Variants in TTC17 observed in about 807,000 individuals in gnomAD.
The protein encoded by TTC17 is tetratricopeptide repeat protein 17.
Under a neutral mutation model 143.8 loss-of-function variants are expected in TTC17, and 58 were observed. The observed-to-expected ratio is 0.40, with a 90% CI of 0.33 to 0.50. The LOEUF (loss-of-function observed/expected upper bound fraction) is 0.50, where lower values mean the gene tolerates loss of function less well. TTC17 is among the 20% of genes least tolerant of loss of function. The pLI is 0.49. For missense variants in TTC17, 1,273 were observed against 1,392.5 expected (o/e 0.91, Z 1.37); for synonymous variants, 501 against 497.8 (o/e 1.01, Z -0.09).
At chr11:43,438,482 A>G (rs1465045533) in intron 16 of TTC17, among the ~76,000 whole-genome samples, 3 of 152,126 alleles carry the variant, frequency 2.0e-5, no homozygotes, top group Non-Finnish European at 1.5e-5. Context: ...AAGTTTGTCT[A>G]ATTCCTTAGA....
intron 3 of TTC17, among the ~76,000 whole-genome samples, chr11:43,390,731 A>G (rs1000404033): frequency 5.3e-5 from 8 of 152,014 alleles, no homozygotes; most frequent in African/African-American, 9.6e-5. Context: ...AAAACTACCT[A>G]TGGCCAATAA....
intron 1 of TTC17, among the ~76,000 whole-genome samples, chr11:43,373,997 C>A (rs1335752717): frequency 6.6e-6 from 1 of 152,102 alleles, no homozygotes; most frequent in Non-Finnish European, 1.5e-5. Context: ...TCCAAATAGT[C>A]ATCAGTGAAT....
Position 43,401,405 on chromosome 11 carries a change from G to C in TTC17, c.1220-41G>C, listed in dbSNP as rs771985895. 3.6e-6 allele frequency: 5 copies of C among 1,392,674 alleles called. No individual in the cohort carries two copies. The South Asian group carries it at 3.7e-5, about 10-fold the overall frequency. The allele number at this position is 1,392,674 out of a possible 1,614,324, so 86.3% of individuals were successfully genotyped here. On this transcript the variant is annotated intron_variant, in intron 9 of 23. Transcript: ENST00000039989. ...CTAAGAAAATCACATTGGCATTGTT[G>C]ACCTTGCTCATCATTTGTGTAATTT...
In TTC17 at chr11:43,436,173, A is replaced by G. The variant is rs540505264; in HGVS notation, c.2252-7152A>G. On this transcript the variant is annotated intron_variant, in intron 16 of 23. Coordinates refer to ENST00000039989, the MANE Select transcript of TTC17 (RefSeq NM_018259.6). ...GTCTCTTGTCATTGAGGTAATTGTC[A>G]TGAGAAAACCCTGGACAACAGCCAT... is the stretch of plus-strand genomic sequence containing the variant. The G allele has an allele frequency of 8.9e-5, 124 of 1,399,730 alleles. 4 individuals carry two copies. In the South Asian group the frequency reaches 1.8e-3, roughly 20 times the overall value. The allele number at this position is 1,399,730 out of a possible 1,614,324, so 86.7% of individuals were successfully genotyped here. A position where few individuals can be genotyped will look rare whatever the true frequency, so the allele number is the denominator to read the frequency against.
intron 16 of TTC17, among the ~76,000 whole-genome samples, chr11:43,424,810 G>A (rs780205099): frequency 6.6e-6 from 1 of 152,154 alleles, no homozygotes; most frequent in South Asian, 2.1e-4. Flanking sequence ...TAATAAAATA[G>A]TAGAAAACCT....
chr11:43,438,563 C>A (rs1947343652), intron 16 of TTC17, among the ~76,000 whole-genome samples: 1 of 152,128 alleles, frequency 6.6e-6, no homozygotes, highest in Non-Finnish European at 1.5e-5. Context: ...ATAGTATGTG[C>A]CTTACTTGCC....
intron 15 of TTC17, among the ~76,000 whole-genome samples, chr11:43,412,342 G>A (rs780023656): frequency 4.6e-5 from 7 of 151,820 alleles, no homozygotes; most frequent in Admixed American, 1.3e-4. Flanking sequence ...AAAAAAATTA[G>A]CCAAGTGTGG....
intron 21 of TTC17, among the ~76,000 whole-genome samples, chr11:43,479,865 C>T (rs1948253905): frequency 6.6e-6 from 1 of 152,138 alleles, no homozygotes; most frequent in Non-Finnish European, 1.5e-5. Context: ...GGAGCTGGAG[C>T]TCTTGCTTCC....
At chr11:43,433,158 G>A (rs1947198342) in intron 16 of TTC17, among the ~76,000 whole-genome samples, 1 of 152,082 alleles carries the variant, frequency 6.6e-6, no homozygotes, top group Non-Finnish European at 1.5e-5. Flanking sequence ...GTGCCACCAT[G>A]CCCAGCTAAT....
chr11:43,368,517 A>T (rs1353836144), intron 1 of TTC17, among the ~76,000 whole-genome samples: 1 of 152,088 alleles, frequency 6.6e-6, no homozygotes, highest in Non-Finnish European at 1.5e-5. Context: ...CTACTTCCAG[A>T]ATGTTTCCTG....
chr11:43,438,725 G>A (rs1947347223), intron 16 of TTC17, among the ~76,000 whole-genome samples: 1 of 152,116 alleles, frequency 6.6e-6, no homozygotes, highest in Non-Finnish European at 1.5e-5. Context: ...CTTCTGTCTT[G>A]TTTTGAATCT....
rs183043461 is a variant in TTC17, at chr11:43,377,751, A to T, written c.160-1482A>T. Among the ~76,000 whole-genome samples the T allele has an allele frequency of 4.5e-3, 679 of 152,192 alleles. 1 individual carries two copies. Among genetic ancestry groups the T allele is most frequent in the African/African-American group, 0.016 (655 of 41,512 alleles). On this transcript the variant is annotated intron_variant, in intron 1 of 23. Transcript: ENST00000039989. ...ATCCATGCTATGGAAATATTATTAA[A>T]CTTTGTTATCTAGTAACTTTTTAAT...
intron 15 of TTC17, among the ~76,000 whole-genome samples, chr11:43,408,899 G>C (rs146694533): frequency 2.0e-5 from 3 of 151,838 alleles, no homozygotes; most frequent in Admixed American, 2.0e-4. Context: ...GCACCACTGC[G>C]TATGGCTGAA....
At chr11:43,450,033 A>G (rs1947626846) in intron 19 of TTC17, 49 bp from the exon 20 acceptor site, 1 of 1,585,934 alleles carries the variant, frequency 6.3e-7, no homozygotes. Context: ...TTCTCTTCCC[A>G]CCCACTCAAA....
chr11:43,373,499 A>G (rs1410161857), intron 1 of TTC17, among the ~76,000 whole-genome samples: 2 of 151,796 alleles, frequency 1.3e-5, no homozygotes, highest in Non-Finnish European at 2.9e-5. Context: ...AATTTTTTGT[A>G]TTTTTAGTAG....
chr11:43,388,177 A>G (rs567361660), intron 2 of TTC17, among the ~76,000 whole-genome samples: 25 of 152,334 alleles, frequency 1.6e-4, no homozygotes, highest in African/African-American at 6.0e-4. Flanking sequence ...TAAAGAAGCA[A>G]CATAAATGTT....
intron 2 of TTC17, among the ~76,000 whole-genome samples, chr11:43,386,777 G>GTATTTATT (rs57435828): frequency 2.0e-4 from 31 of 152,064 alleles, no homozygotes; most frequent in Admixed American, 1.4e-3. Flanking sequence ...ACGTATGTAT[G>GTATTTATT]TATTTATTTA....
At chr11:43,425,391 G>A (rs1947003642) in intron 16 of TTC17, among the ~76,000 whole-genome samples, 1 of 151,894 alleles carries the variant, frequency 6.6e-6, no homozygotes, top group Admixed American at 6.6e-5. Context: ...TGGTAGAGTG[G>A]GCTCTTTTTA....
intron 16 of TTC17, among the ~76,000 whole-genome samples, chr11:43,416,684 T>A (rs1443145158): frequency 1.3e-5 from 2 of 152,146 alleles, no homozygotes; most frequent in Non-Finnish European, 2.9e-5. Flanking sequence ...CAATTTTTTT[T>A]AATAATAGTT....
Sources: allele counts gnomAD v4.1 joint callset (sites outside exome capture counted in the v4.1 genomes callset), GRCh38; gene constraint gnomAD v4.1.1; transcripts MANE v1.5; gene names NCBI Gene and HGNC (gene_info 2026-07-23, HGNC 2026-07-21).